The following KALRN variants were observed in gnomAD, a reference collection of about 807,000 sequenced individuals.
The protein encoded by KALRN is kalirin RhoGEF kinase.
KALRN carries 70 observed loss-of-function variants against 353.7 expected under a neutral mutation model. The ratio of observed to expected loss-of-function variants is 0.20; its 90% CI spans 0.16 to 0.24. KALRN has a LOEUF of 0.24. Ranked by LOEUF, KALRN falls within the 10% of genes least tolerant of loss-of-function variation. The pLI is 1.00. For synonymous variants in KALRN, 1,391 were observed against 1,434.8 expected, an observed-to-expected ratio of 0.97 and a Z score of 0.69; for missense variants, 2,791 against 3,756.7, an observed-to-expected ratio of 0.74 and a Z score of 6.72.
At chr3:124,340,592 G>T (rs2081596765) in intron 9 of KALRN, among the ~76,000 whole-genome samples, 1 of 152,130 alleles carries the variant, frequency 6.6e-6, no homozygotes, top group African/African-American at 2.4e-5. Flanking sequence ...AGACCAGAGT[G>T]GTTTCCCATG....
At chr3:124,042,863 G>A (rs2040092914) in intron 1 of KALRN, among the ~76,000 whole-genome samples, 2 of 152,152 alleles carry the variant, frequency 1.3e-5, no homozygotes, top group African/African-American at 2.4e-5. Flanking sequence ...ATAGATTTGG[G>A]AGCTATCTGA....
rs761079499 is a variant in KALRN, at chr3:124,719,285, C to T, written c.8776C>T (p.Arg2926Trp). ...GATCTTACAGGAAGATTTTCGGAGG[C>T]GGCCCACAGCAGCCACATGCTTGCA... ...NVILQEDFRR[R>W]PTAATCLQHP... Residue 2926 changes from arginine to tryptophan, a missense_variant, in exon 60 of 60, where the codon CGG becomes TGG. This residue lies in a region of KALRN where 188 missense variants were observed against 402.9 expected (regional missense o/e 0.47). Coordinates refer to ENST00000682506, the MANE Select transcript of KALRN (RefSeq NM_001388419.1). The surrounding 1 kb of genome is among the most constrained non-coding windows in gnomAD (Gnocchi z 5.3). 4 of 1,614,058 alleles carry T rather than the reference C, an allele frequency of 2.5e-6. No homozygotes were observed. The highest frequency in any genetic ancestry group is 3.4e-6 in the Non-Finnish European group (4 of 1,180,032).
At position 124,661,860 on chromosome 3, in the gene KALRN, G is replaced by A; in HGVS notation, c.6277G>A (p.Glu2093Lys). 1 of 1,613,962 alleles carries A rather than the reference G, an allele frequency of 6.2e-7. No individual in the cohort carries two copies. The highest frequency in any genetic ancestry group is 8.5e-7 in the Non-Finnish European group (1 of 1,179,822). Residue 2093 changes from glutamate to lysine, a missense_variant, in exon 45 of 60, where the codon GAG becomes AAG. Around this residue, in one of 11 missense-constraint regions of KALRN, gnomAD observed 1,065 missense variants for 1,156.4 expected, o/e 0.92. Coordinates refer to ENST00000682506, the MANE Select transcript of KALRN (RefSeq NM_001388419.1). ...TTGTTCTTTCCCACAGAAAGCAGTGGAGTTAATGTGCCTTGTTCCCAAACG... is the reference window on the plus strand; with the variant it reads ...TTGTTCTTTCCCACAGAAAGCAGTGAAGTTAATGTGCCTTGTTCCCAAACG... Reference protein sequence around the residue: ...LECSDIEKAVELMCLVPKRCN... With the variant: ...LECSDIEKAVKLMCLVPKRCN...
At chr3:124,370,122 G>T (rs1170458638) in intron 10 of KALRN, among the ~76,000 whole-genome samples, 4 of 152,182 alleles carry the variant, frequency 2.6e-5, no homozygotes, top group African/African-American at 9.7e-5. Flanking sequence ...ACCTTTGTAA[G>T]TGATGCTACC....
intron 34 of KALRN, among the ~76,000 whole-genome samples, chr3:124,618,188 A>G (rs1318048205): frequency 7.4e-6 from 1 of 134,694 alleles, no homozygotes; most frequent in East Asian, 2.4e-4. Context: ...GGCTCACTGC[A>G]AGCTCCGCCT....
At chr3:124,578,203 A>T (rs2074299524) in intron 34 of KALRN, among the ~76,000 whole-genome samples, 1 of 152,212 alleles carries the variant, frequency 6.6e-6, no homozygotes, top group South Asian at 2.1e-4. Context: ...GTGACTTACA[A>T]ATAGTAAATA....
At chr3:124,230,637 C>T (rs1428978686) in intron 2 of KALRN, among the ~76,000 whole-genome samples, 1 of 152,080 alleles carries the variant, frequency 6.6e-6, no homozygotes, top group Non-Finnish European at 1.5e-5. Flanking sequence ...ACGAAGGGGG[C>T]TGGGAGCATA....
chr3:124,592,844 G>C (rs1381715848), intron 34 of KALRN, among the ~76,000 whole-genome samples: 4 of 152,266 alleles, frequency 2.6e-5, no homozygotes, highest in African/African-American at 9.6e-5. Flanking sequence ...GAGGCAGCCA[G>C]GAGGCTGCCA....
intron 5 of KALRN, among the ~76,000 whole-genome samples, chr3:124,276,968 T>TGTGTGCACACGTGCACACACACAC (rs2074805766): frequency 6.6e-6 from 1 of 152,032 alleles, no homozygotes; most frequent in African/African-American, 2.4e-5. Flanking sequence ...CACACACACA[T>TGTGTGCACACGTGCACACACACAC]GTGTGCACAC....
chr3:124,629,306 T>G (rs574964248), intron 34 of KALRN, among the ~76,000 whole-genome samples: 1 of 152,324 alleles, frequency 6.6e-6, no homozygotes, highest in Admixed American at 6.5e-5. Flanking sequence ...TGTGGTTTTC[T>G]GGGCTCTAAT....
chr3:124,097,657 A>G (rs942191234), intron 1 of KALRN, among the ~76,000 whole-genome samples: 3 of 152,234 alleles, frequency 2.0e-5, no homozygotes, highest in Admixed American at 6.5e-5. Context: ...AATAAACTTT[A>G]CAAAGAAATA....
At chr3:124,060,001 G>T (rs2041868735) in intron 1 of KALRN, among the ~76,000 whole-genome samples, 2 of 152,148 alleles carry the variant, frequency 1.3e-5, no homozygotes, top group South Asian at 4.1e-4. Context: ...GAGCAGTTTT[G>T]GTGCTTTTTA....
intron 57 of KALRN, among the ~76,000 whole-genome samples, chr3:124,711,928 A>G (rs888450993): frequency 6.6e-5 from 10 of 152,226 alleles, no homozygotes; most frequent in Non-Finnish European, 1.5e-4. Flanking sequence ...TTTCCATAAT[A>G]AGAAGATAAC....
intron 38 of KALRN, 121 bp from the exon 39 acceptor site, chr3:124,655,480 G>A: frequency 1.4e-6 from 1 of 725,780 alleles, no homozygotes; most frequent in Non-Finnish European, 2.5e-6. Context: ...CAGGAGATAA[G>A]TGTGGGTGTT....
intron 38 of KALRN, among the ~76,000 whole-genome samples, chr3:124,655,192 G>A (rs1348496040): frequency 6.6e-6 from 1 of 152,226 alleles, no homozygotes; most frequent in Non-Finnish European, 1.5e-5. Context: ...GAGCTGAAAT[G>A]AAGGAAGAAA....
At chr3:124,263,793 G>A (rs1050526168) in intron 3 of KALRN, among the ~76,000 whole-genome samples, 4 of 152,124 alleles carry the variant, frequency 2.6e-5, no homozygotes, top group African/African-American at 9.7e-5. Context: ...TCACTGATGT[G>A]AGCACAGGGC....
intron 17 of KALRN, 68 bp downstream of exon 17, chr3:124,434,593 T>TA: frequency 6.9e-7 from 1 of 1,443,920 alleles, no homozygotes; most frequent in Non-Finnish European, 9.7e-7. Context: ...CCTTGCAGTG[T>TA]AAATGTGCAG....
In KALRN at chr3:124,617,988, G is replaced by A. The variant is rs746615495; in HGVS notation, c.5183-14432G>A. The stretch of plus-strand genomic sequence containing the variant: ...AAATGAATAGGAGAAAAAGACTGGG[G>A]GCAGAGAGACAGTCTGGAGCTGTTA... On this transcript the variant is annotated intron_variant, in intron 34 of 59. Coordinates refer to ENST00000682506, the MANE Select transcript of KALRN (RefSeq NM_001388419.1). 5.0e-4 allele frequency among the ~76,000 whole-genome samples: 76 copies of A among 152,048 alleles called. 2 individuals are homozygous for A. The highest frequency in any genetic ancestry group is 1.6e-4 in the Non-Finnish European group (11 of 68,008).
chr3:124,584,934 C>A, intron 34 of KALRN: 1 of 1,562,020 alleles, frequency 6.4e-7, no homozygotes, highest in East Asian at 2.4e-5. Context: ...GCCTTGGTGC[C>A]TTCTGTTAGC....
Sources: gnomAD v4.1 joint callset for allele counts (sites outside exome capture counted in the v4.1 genomes callset) on GRCh38, gnomAD v4.1.1 for gene constraint, gnomAD v4.1.1 regional missense constraint, Gnocchi (gnomAD v3.1) non-coding constraint, MANE v1.5 for transcripts, NCBI Gene and HGNC (gene_info 2026-07-23, HGNC 2026-07-21) for gene names.